The following IQSEC3 variants were observed in gnomAD, a reference collection of about 807,000 sequenced individuals.
IQSEC3 encodes the protein IQ motif and Sec7 domain ArfGEF 3, also known as IQ motif and SEC7 domain-containing protein 3.
A neutral mutation model predicts 105.4 loss-of-function variants in IQSEC3; 50 were observed. That is an observed-to-expected ratio of 0.47 (90% CI 0.38 to 0.60). IQSEC3 has a LOEUF of 0.60. IQSEC3 is among the 20% of genes least tolerant of loss of function. The probability of loss-of-function intolerance (pLI) is 0.00; values close to 1 mark genes in which losing one functional copy is unlikely to be tolerated. For synonymous variants in IQSEC3, 708 were observed against 746.0 expected, an observed-to-expected ratio of 0.95 and a Z score of 0.83; for missense variants, 1,415 against 1,630.0, an observed-to-expected ratio of 0.87 and a Z score of 2.27.
At chr12:71,480 G>A (rs1373571511) in intron 1 of IQSEC3, among the ~76,000 whole-genome samples, 1 of 152,276 alleles carries the variant, frequency 6.6e-6, no homozygotes, top group Non-Finnish European at 1.5e-5. Flanking sequence ...ACAGCACAAG[G>A]TAAAAAGGGT....
chr12:76,947 A>T (rs1439123308), intron 1 of IQSEC3, among the ~76,000 whole-genome samples: 4 of 152,254 alleles, frequency 2.6e-5, no homozygotes, highest in African/African-American at 7.2e-5. Flanking sequence ...CATCCCAGGC[A>T]GAGAGACAAG....
chr12:106,297 A>T (rs1864649022), intron 2 of IQSEC3, among the ~76,000 whole-genome samples: 1 of 152,230 alleles, frequency 6.6e-6, no homozygotes, highest in African/African-American at 2.4e-5. Context: ...AGGATAGCAG[A>T]AGGCAGGTGT....
Position 161,532 on chromosome 12 carries a change from TA to T in IQSEC3, c.2444-393del, listed in dbSNP as rs1460195355. Among the ~76,000 whole-genome samples, 15 of 152,142 alleles carry T rather than the reference TA, an allele frequency of 9.9e-5. No homozygotes were observed. The Middle Eastern group carries it at 0.01, about 103-fold the overall frequency. On this transcript the variant is annotated intron_variant, in intron 7 of 13. Coordinates refer to ENST00000538872, the MANE Select transcript of IQSEC3 (RefSeq NM_001170738.2). ...AAAAGAGAACGAAACAGAAGCTCCT[TA>T]TGATGCTGGAGTGGTGGGGTGGAGC...
chr12:81,027 G>A (rs774379620), intron 1 of IQSEC3, among the ~76,000 whole-genome samples: 100 of 152,334 alleles, frequency 6.6e-4, no homozygotes, highest in African/African-American at 2.2e-3. Flanking sequence ...GTGCAGGCGC[G>A]TAGCAGATCT....
intron 11 of IQSEC3, 62 bp downstream of exon 11, chr12:165,952 G>A (rs1867155367): frequency 1.3e-6 from 2 of 1,570,446 alleles, no homozygotes; most frequent in East Asian, 2.3e-5. Context: ...GACAGGGGCA[G>A]CTTGAGACAG....
chr12:103,150 T>A (rs1243858767), intron 2 of IQSEC3, among the ~76,000 whole-genome samples: 1 of 151,870 alleles, frequency 6.6e-6, no homozygotes, highest in Non-Finnish European at 1.5e-5. Context: ...TGCCAGTAAT[T>A]GCAGCCCTAC....
At chr12:90,269 G>A (rs1864040973) in intron 1 of IQSEC3, among the ~76,000 whole-genome samples, 1 of 152,162 alleles carries the variant, frequency 6.6e-6, no homozygotes. Flanking sequence ...CAGGTTGTTT[G>A]TCTTTTTATT....
rs573475156 is a variant in IQSEC3 at position 129,399 on chromosome 12, A to T, written c.903+3487A>T. On this transcript the variant is annotated intron_variant, in intron 3 of 13. Coordinates refer to ENST00000538872, the MANE Select transcript of IQSEC3 (RefSeq NM_001170738.2). ...GAAGGCACAAGTGAATGAGCAAACG[A>T]GGCCTACCCTCCAGCTTCCTGTTCT... Among the ~76,000 whole-genome samples, 42 of 152,280 alleles carry T rather than the reference A, an allele frequency of 2.8e-4. No homozygotes were observed. In the South Asian group the frequency reaches 8.5e-3, roughly 31 times the overall value.
chr12:105,667 G>A (rs996172197), intron 2 of IQSEC3, among the ~76,000 whole-genome samples: 18 of 152,304 alleles, frequency 1.2e-4, no homozygotes, highest in South Asian at 2.1e-4. Context: ...CAAAATAGAG[G>A]TCAAAGTACT....
intron 2 of IQSEC3, among the ~76,000 whole-genome samples, chr12:121,716 G>A (rs533767365): frequency 8.5e-5 from 13 of 152,208 alleles, no homozygotes; most frequent in Admixed American, 2.6e-4. Context: ...ACACCCCCCC[G>A]CTACAGAATT....
chr12:94,474 G>C (rs4980950), intron 1 of IQSEC3, among the ~76,000 whole-genome samples: 74,102 of 152,110 alleles, frequency 0.49, 18,700 homozygotes, highest in Non-Finnish European at 0.54. Flanking sequence ...AGACAAGAAG[G>C]GTTCTGGCCT....
At chr12:96,197 C>G (rs954115461) in intron 1 of IQSEC3, among the ~76,000 whole-genome samples, 37 of 152,048 alleles carry the variant, frequency 2.4e-4, no homozygotes, top group Admixed American at 3.9e-4. Context: ...ATGGCGGTCA[C>G]AGGTGGATTC....
intron 2 of IQSEC3, among the ~76,000 whole-genome samples, chr12:112,404 C>T (rs561358540): frequency 7.2e-5 from 11 of 152,220 alleles, no homozygotes; most frequent in African/African-American, 2.4e-4. Context: ...TGACCTAAGC[C>T]AATTCAGGCA....
intron 1 of IQSEC3, among the ~76,000 whole-genome samples, chr12:91,031 G>C (rs1334170746): frequency 6.6e-6 from 1 of 152,126 alleles, no homozygotes; most frequent in Admixed American, 6.5e-5. Context: ...TTCTCCTGGA[G>C]CTCAAGGCAG....
Position 165,481 on chromosome 12 carries a change from T to C in IQSEC3, c.2757T>C (p.Phe919=), listed in dbSNP as rs4980859. Residue 919 remains phenylalanine (F), a synonymous_variant, in exon 10 of 14, where the codon TTT becomes TTC. Transcript: ENST00000538872. Reference sequence around the variant, plus strand: ...AGAAGAGCTCCTCCACGTACACCTTTTGCAAGTCAGTTGGCCTGCTGGGCA... The same window carrying C: ...AGAAGAGCTCCTCCACGTACACCTTCTGCAAGTCAGTTGGCCTGCTGGGCA... ...PKKKSSSTYT[F]CKSVGLLGMQ... 0.31 allele frequency: 501,988 copies of C among 1,613,538 alleles called. 80,273 individuals carry two copies. Among genetic ancestry groups the C allele is most frequent in the East Asian group, 0.35 (15,512 of 44,880 alleles).
chr12:171,738 A>G (rs1555100385), intron 13 of IQSEC3, among the ~76,000 whole-genome samples: 2 of 151,568 alleles, frequency 1.3e-5, no homozygotes, highest in African/African-American at 4.8e-5. Context: ...CCATCTGGAA[A>G]GCTGGCCATG....
intron 9 of IQSEC3, chr12:164,807 G>A (rs1158916162): frequency 6.6e-6 from 1 of 152,582 alleles, no homozygotes; most frequent in Admixed American, 6.5e-5. Context: ...ACTAAAACGA[G>A]CTTTCATTTT....
At chr12:96,126 A>C (rs1181863628) in intron 1 of IQSEC3, among the ~76,000 whole-genome samples, 3 of 152,190 alleles carry the variant, frequency 2.0e-5, no homozygotes, top group African/African-American at 7.2e-5. Context: ...TGTAAGTAAG[A>C]AAGTGAGACT....
chr12:106,347 C>G (rs1400049190), intron 2 of IQSEC3, among the ~76,000 whole-genome samples: 1 of 152,200 alleles, frequency 6.6e-6, no homozygotes, highest in African/African-American at 2.4e-5. Flanking sequence ...GGAAGGTGAA[C>G]AGCTGCTTCC....
Sources: gnomAD v4.1 joint callset for allele counts (sites outside exome capture counted in the v4.1 genomes callset) on GRCh38, gnomAD v4.1.1 for gene constraint, MANE v1.5 for transcripts, NCBI Gene and HGNC (gene_info 2026-07-23, HGNC 2026-07-21) for gene names.